GALC: variants seen among roughly 807,000 people sequenced by gnomAD.
GALC encodes the protein galactosylceramidase, also known as galactocerebrosidase.
In GALC, 77 loss-of-function variants were observed where a neutral mutation model predicts 91.8. The ratio of observed to expected loss-of-function variants is 0.84; its 90% confidence interval spans 0.70 to 1.01. The LOEUF (loss-of-function observed/expected upper bound fraction) is 1.01, where lower values mean the gene tolerates loss of function less well. Among genes scored for constraint, GALC ranks in the 50% least tolerant of loss-of-function variants. The probability of loss-of-function intolerance (pLI) is 0.00; values close to 1 mark genes in which losing one functional copy is unlikely to be tolerated. For missense variants in GALC, 882 were observed against 855.9 expected, an observed-to-expected ratio of 1.03 and a Z score of -0.38; for synonymous variants, 357 against 306.7, an observed-to-expected ratio of 1.16 and a Z score of -1.71.
intron 16 of GALC, among the ~76,000 whole-genome samples, chr14:87,939,697 T>C (rs1327315442): frequency 3.3e-5 from 5 of 151,886 alleles, no homozygotes; most frequent in Non-Finnish European, 7.4e-5. Flanking sequence ...AATAGTGACC[T>C]GATAAAGTCA....
intron 10 of GALC, chr14:87,955,044 C>A: frequency 1.5e-6 from 2 of 1,350,220 alleles, no homozygotes; most frequent in Non-Finnish European, 2.1e-6. Context: ...TCATGGCAGA[C>A]CTGTTACACT....
At position 87,988,125 on chromosome 14, in the gene GALC, A is replaced by C; in HGVS notation, c.328+19T>G. Reference sequence around the variant, plus strand: ...TTAAAATGTTGATGGGAGAAATCCTATCTCCCAAATTCTCCTACCTGTTGT... The same window carrying C: ...TTAAAATGTTGATGGGAGAAATCCTCTCTCCCAAATTCTCCTACCTGTTGT... On this transcript the variant is annotated intron_variant, in intron 3 of 16. Coordinates refer to ENST00000261304, the MANE Select transcript of GALC (RefSeq NM_000153.4). 4 of 1,595,884 alleles carry C rather than the reference A, an allele frequency of 2.5e-6. No individual in the cohort carries two copies. In the Admixed American group the frequency reaches 5.0e-5, roughly 20 times the overall value.
chr14:87,992,378 C>G, intron 1 of GALC: 1 of 1,535,670 alleles, frequency 6.5e-7, no homozygotes, highest in Non-Finnish European at 8.7e-7. Context: ...GCTTATCTTC[C>G]TTTTAAAGAG....
At chr14:87,975,520 T>G (rs1416551871) in intron 7 of GALC, among the ~76,000 whole-genome samples, 1 of 152,132 alleles carries the variant, frequency 6.6e-6, no homozygotes, top group East Asian at 1.9e-4. Flanking sequence ...AGAAATAATG[T>G]CTGGGATTTC....
At chr14:87,986,625 G>C in intron 3 of GALC, 23 bp from the exon 4 acceptor site, 1 of 1,455,822 alleles carries the variant, frequency 6.9e-7, no homozygotes, top group Non-Finnish European at 9.6e-7. Context: ...GAGCAAAAAC[G>C]GAAGTAATGA....
intron 16 of GALC, among the ~76,000 whole-genome samples, chr14:87,939,500 C>T (rs971885403): frequency 4.6e-5 from 7 of 151,732 alleles, no homozygotes; most frequent in African/African-American, 1.7e-4. Context: ...AAACCAATTT[C>T]TAAAAATTAT....
In GALC at chr14:87,970,522, G is replaced by A. The variant is rs77968444; in HGVS notation, c.753-2032C>T. Among the ~76,000 whole-genome samples the A allele has an allele frequency of 6.6e-3, 1,009 of 152,030 alleles. 15 individuals carry two copies. Among genetic ancestry groups the A allele is most frequent in the East Asian group, 0.044 (228 of 5,164 alleles). ...TTATTACATGATATGAGCAAAGAAAGGCAGAACTAATACTAAAATCTGGGT... is the reference window on the plus strand; with the variant it reads ...TTATTACATGATATGAGCAAAGAAAAGCAGAACTAATACTAAAATCTGGGT... On this transcript the variant is annotated intron_variant, in intron 7 of 16. Transcript: ENST00000261304.
At chr14:87,953,490 T>C in intron 10 of GALC, 1 of 1,597,684 alleles carries the variant, frequency 6.3e-7, no homozygotes, top group Non-Finnish European at 8.6e-7. Flanking sequence ...ACAAAGGTCC[T>C]GAAGAAAATA....
At chr14:87,952,899 C>A in intron 10 of GALC, 2 of 944,332 alleles carry the variant, frequency 2.1e-6, no homozygotes, top group Non-Finnish European at 3.4e-6. Context: ...TGAAAAGTAT[C>A]AAAAGCTTCT....
chr14:87,970,822 T>C (rs1049597457), intron 7 of GALC, among the ~76,000 whole-genome samples: 12 of 148,178 alleles, frequency 8.1e-5, no homozygotes, highest in African/African-American at 2.5e-4. Context: ...TGAGCCGAGA[T>C]TGCGCCACTG....
intron 6 of GALC, 148 bp from the exon 7 acceptor site, chr14:87,976,636 A>T: frequency 1.4e-6 from 1 of 718,894 alleles, no homozygotes; most frequent in Non-Finnish European, 2.3e-6. Context: ...TTTTTCTCAG[A>T]CAGAGGCTTC....
intron 7 of GALC, among the ~76,000 whole-genome samples, chr14:87,973,512 C>T (rs927095456): frequency 6.6e-6 from 1 of 152,044 alleles, no homozygotes; most frequent in Non-Finnish European, 1.5e-5. Context: ...AAACTTGTAG[C>T]TGTCAAATCA....
intron 9 of GALC, among the ~76,000 whole-genome samples, chr14:87,964,932 G>A (rs1595214515): frequency 2.0e-5 from 3 of 152,086 alleles, no homozygotes. Flanking sequence ...AATCTTTTGA[G>A]CTTTACATTG....
intron 8 of GALC, among the ~76,000 whole-genome samples, chr14:87,968,017 TAA>T (rs1036286667): frequency 7.2e-5 from 11 of 152,146 alleles, no homozygotes; most frequent in Non-Finnish European, 1.5e-4. Flanking sequence ...TATTTAGAGA[TAA>T]AGTGTCCTTA....
intron 1 of GALC, among the ~76,000 whole-genome samples, chr14:87,990,702 G>A (rs926599711): frequency 2.6e-5 from 4 of 152,198 alleles, no homozygotes; most frequent in African/African-American, 9.7e-5. Context: ...ATTTAACAGA[G>A]AAAGTATCGG....
chr14:87,946,012 A>T (rs1885057538), intron 13 of GALC, among the ~76,000 whole-genome samples: 1 of 152,032 alleles, frequency 6.6e-6, no homozygotes, highest in African/African-American at 2.4e-5. Flanking sequence ...TAAGACCTAG[A>T]TTCAAATTCG....
chr14:87,988,635 C>G lies in GALC; in HGVS notation c.196-112G>C, dbSNP rs1053931248. ...ACACATATTTAGCCTCAGGCAAGGT[C>G]AGGCTGAGGAAAAGTTCCTCACAAG... On this transcript the variant is annotated intron_variant, in intron 1 of 16. Transcript: ENST00000261304. 57 of 828,192 alleles carry G rather than the reference C, an allele frequency of 6.9e-5. No homozygotes were observed. In the African/African-American group the frequency reaches 8.0e-4, roughly 12 times the overall value. 51.3% of individuals were successfully genotyped at this position (828,192 alleles called of 1,614,324 possible). A position where few individuals can be genotyped will look rare whatever the true frequency, so the allele number is the denominator to read the frequency against.
Position 87,949,880 on chromosome 14 carries a change from C to T in GALC, c.1303G>A (p.Glu435Lys), listed in dbSNP as rs772456068. ...VWYTKLGKTS[E>K]RFLFKQLDSL... ...TCCAGCTGCTTAAAAAGAAATCTTT[C>T]GGATGTTTTTCCAAGTTTGGTATAC... Residue 435 changes from glutamate to lysine, a missense_variant, in exon 12 of 17, where the codon GAA becomes AAA. Transcript: ENST00000261304. 1.3e-5 allele frequency: 21 copies of T among 1,598,776 alleles called. No individual in the cohort carries two copies. The highest frequency in any genetic ancestry group is 6.7e-5 in the East Asian group (3 of 44,646).
intron 10 of GALC, chr14:87,952,404 T>C: frequency 2.4e-6 from 1 of 409,150 alleles, no homozygotes; most frequent in Non-Finnish European, 4.6e-6. Flanking sequence ...TTAAGACTAA[T>C]GTTGTTCTAA....
Sources: allele counts gnomAD v4.1 joint callset (sites outside exome capture counted in the v4.1 genomes callset), GRCh38; gene constraint gnomAD v4.1.1; transcripts MANE v1.5; gene names NCBI Gene and HGNC (gene_info 2026-07-23, HGNC 2026-07-21).